The following FBXL2 variants were observed in gnomAD, a reference collection of about 807,000 sequenced individuals.
The protein encoded by FBXL2 is F-box/LRR-repeat protein 2.
In FBXL2, 38 loss-of-function variants were observed where a neutral mutation model predicts 69.2. The ratio of observed to expected loss-of-function variants is 0.55; its 90% CI spans 0.42 to 0.72. The LOEUF (loss-of-function observed/expected upper bound fraction) is 0.72, where lower values mean the gene tolerates loss of function less well. Among genes scored for constraint, FBXL2 ranks in the 30% least tolerant of loss-of-function variants. FBXL2 has a pLI of 0.00. For synonymous variants in FBXL2, 192 were observed against 201.3 expected (o/e 0.95, Z 0.39); for missense variants, 354 against 520.3 (o/e 0.68, Z 3.11).
intron 12 of FBXL2, chr3:33,397,189 C>T: frequency 2.9e-6 from 4 of 1,370,130 alleles, no homozygotes; most frequent in Non-Finnish European, 4.0e-6. Flanking sequence ...AACAGAACTG[C>T]TTTACAGGCA....
chr3:33,383,857 C>T, intron 13 of FBXL2, 132 bp from the exon 14 acceptor site: 2 of 718,034 alleles, frequency 2.8e-6, no homozygotes, highest in South Asian at 3.4e-5. Flanking sequence ...CAGGGGCTGG[C>T]ATCTGCTGAG....
At chr3:33,391,106 A>G (rs1050053895), downstream of FBXL2, 2 of 152,264 alleles carry the variant, frequency 1.3e-5, no homozygotes, top group African/African-American at 4.8e-5. Flanking sequence ...GTACTAGGCT[A>G]AAGATGTTTC....
intron 2 of FBXL2, among the ~76,000 whole-genome samples, chr3:33,328,207 C>A (rs1484662999): frequency 6.6e-6 from 1 of 151,906 alleles, no homozygotes; most frequent in East Asian, 1.9e-4. Flanking sequence ...GAAGTGGACA[C>A]CAAAAAATGG....
Position 33,385,509 on chromosome 3 carries a change from C to T in FBXL2, c.1173C>T (p.Leu391=). ...RAGIKRMRAQ[L]PHVKVHAYFA... is the part of the protein sequence containing the mutation. ...TTTCTTCATCCTTCCAGGCTCAGCTCCCTCATGTCAAAGTCCACGCCTACT... is the reference window on the plus strand; with the variant it reads ...TTTCTTCATCCTTCCAGGCTCAGCTTCCTCATGTCAAAGTCCACGCCTACT... Residue 391 remains leucine, a synonymous_variant, in exon 15 of 15, where the codon CTC becomes CTT. Transcript: ENST00000484457. 2 of 1,613,952 alleles carry T rather than the reference C, an allele frequency of 1.2e-6. No individual in the cohort carries two copies. Among genetic ancestry groups the T allele is most frequent in the Non-Finnish European group, 1.7e-6 (2 of 1,179,886 alleles).
chr3:33,325,836 A>G (rs2038647375), intron 2 of FBXL2, among the ~76,000 whole-genome samples: 1 of 152,184 alleles, frequency 6.6e-6, no homozygotes, highest in African/African-American at 2.4e-5. Flanking sequence ...TAATAGAATA[A>G]ATGGAACCCA....
intron 2 of FBXL2, among the ~76,000 whole-genome samples, chr3:33,316,630 A>G (rs554272900): frequency 6.6e-6 from 1 of 152,116 alleles, no homozygotes; most frequent in Non-Finnish European, 1.5e-5. Context: ...CCTGAGGTCA[A>G]AGGCCCCTTG....
chr3:33,392,933 A>G, downstream of FBXL2: 1 of 334,076 alleles, frequency 3.0e-6, no homozygotes, highest in Non-Finnish European at 5.4e-6. Flanking sequence ...CTTGCCACCA[A>G]TCACTAGGGG....
intron 2 of FBXL2, among the ~76,000 whole-genome samples, chr3:33,328,243 G>C (rs191365411): frequency 4.7e-4 from 71 of 152,268 alleles, no homozygotes; most frequent in Middle Eastern, 3.4e-3. Flanking sequence ...TCATGGATCA[G>C]AAGAATTAAT....
Position 33,293,121 on chromosome 3 carries a change from G to T in FBXL2, c.4-4543G>T, listed in dbSNP as rs112787320. Among the ~76,000 whole-genome samples, 1,075 of 152,334 alleles carry T rather than the reference G, an allele frequency of 7.1e-3. 8 individuals are homozygous for T. The highest frequency in any genetic ancestry group is 0.012 in the Non-Finnish European group (819 of 68,044). On this transcript the variant is annotated intron_variant, in intron 1 of 14. Transcript: ENST00000484457. ...TCCTCCCACCTTGGCCCTCCAAAGT[G>T]CTGGGATTACAGGTGTGAGCCACTG...
At chr3:33,391,466 G>A (rs1315183071), downstream of FBXL2, 1 of 152,108 alleles carries the variant, frequency 6.6e-6, no homozygotes, top group Non-Finnish European at 1.5e-5. Context: ...CTGCTGATAT[G>A]CTGAAGGTTT....
intron 14 of FBXL2, 133 bp from the exon 15 acceptor site, chr3:33,385,368 A>G: frequency 1.2e-6 from 1 of 832,672 alleles, no homozygotes; most frequent in African/African-American, 1.7e-5. Flanking sequence ...GAGTAGCTCT[A>G]ATCTATAGCA....
intron 1 of FBXL2, among the ~76,000 whole-genome samples, chr3:33,283,898 C>A (rs534668354): frequency 6.6e-6 from 1 of 152,140 alleles, no homozygotes; most frequent in Non-Finnish European, 1.5e-5. Flanking sequence ...GGTGATATTC[C>A]GTTTATGATC....
chr3:33,336,739 T>A (rs1419466282), intron 2 of FBXL2, among the ~76,000 whole-genome samples: 1 of 152,038 alleles, frequency 6.6e-6, no homozygotes, highest in Non-Finnish European at 1.5e-5. Flanking sequence ...ACTCCATCTC[T>A]ACTAAAAATG....
chr3:33,297,752 G>A, intron 2 of FBXL2, 27 bp downstream of exon 2: 1 of 1,339,194 alleles, frequency 7.5e-7, no homozygotes, highest in Non-Finnish European at 1.1e-6. Flanking sequence ...TCTGGATGAA[G>A]AGTTTAGATC....
intron 2 of FBXL2, among the ~76,000 whole-genome samples, chr3:33,327,597 C>G (rs1295073251): frequency 1.3e-5 from 2 of 151,822 alleles, no homozygotes; most frequent in Non-Finnish European, 2.9e-5. Context: ...AAAGAAGACC[C>G]AGATAAAATC....
the FBXL2 span, among the ~76,000 whole-genome samples, chr3:33,421,040 AG>A: frequency 6.6e-6 from 1 of 152,230 alleles, no homozygotes; most frequent in Non-Finnish European, 1.5e-5. Flanking sequence ...CAAGTCAGCA[AG>A]GGGGTAAGAT....
At chr3:33,338,542 A>G (rs903388735) in intron 2 of FBXL2, among the ~76,000 whole-genome samples, 9 of 152,190 alleles carry the variant, frequency 5.9e-5, no homozygotes, top group East Asian at 3.8e-4. Flanking sequence ...CAAGGCTACA[A>G]TAACGAAAAC....
In FBXL2 at chr3:33,386,301, T is replaced by C. The variant is rs999539705; in HGVS notation, c.*693T>C. ...GCAGCTCGGAGTCTGTGTTGCCTGA[T>C]TGGAAAGTAGAAGCTCTGGTGTATG... On this transcript the variant is annotated 3_prime_UTR_variant, in exon 15 of 15. Coordinates refer to ENST00000484457, the MANE Select transcript of FBXL2 (RefSeq NM_012157.5). 2 of 152,906 alleles carry C rather than the reference T, an allele frequency of 1.3e-5. No individual in the cohort carries two copies. Among genetic ancestry groups the C allele is most frequent in the Admixed American group, 1.3e-4 (2 of 15,322 alleles). The allele number at this position is 152,906 out of a possible 1,614,324, so 9.5% of individuals were successfully genotyped here. A position where few individuals can be genotyped will look rare whatever the true frequency, so the allele number is the denominator to read the frequency against.
At chr3:33,378,909 C>A in intron 13 of FBXL2, 168 bp downstream of exon 13, 1 of 1,301,058 alleles carries the variant, frequency 7.7e-7, no homozygotes, top group Non-Finnish European at 1.0e-6. Flanking sequence ...TATTTGATTA[C>A]TGCTTTCATT....
Sources: gnomAD v4.1 joint callset for allele counts (sites outside exome capture counted in the v4.1 genomes callset) on GRCh38, gnomAD v4.1.1 for gene constraint, MANE v1.5 for transcripts, NCBI Gene and HGNC (gene_info 2026-07-23, HGNC 2026-07-21) for gene names.